POU6F2: variants seen among roughly 807,000 people sequenced by gnomAD.
POU6F2 encodes the protein POU domain, class 6, transcription factor 2.
A neutral mutation model predicts 71.3 loss-of-function variants in POU6F2; 31 were observed. The ratio of observed to expected loss-of-function variants is 0.43; its 90% CI spans 0.33 to 0.59. The LOEUF is 0.59. POU6F2 is among the 20% of genes least tolerant of loss of function. The pLI is 0.04. For synonymous variants in POU6F2, 347 were observed against 355.7 expected, an observed-to-expected ratio of 0.98 and a Z score of 0.27; for missense variants, 783 against 856.8, an observed-to-expected ratio of 0.91 and a Z score of 1.07.
intron 2 of POU6F2, among the ~76,000 whole-genome samples, chr7:39,161,114 G>C (rs1792986731): frequency 6.6e-6 from 1 of 151,990 alleles, no homozygotes; most frequent in South Asian, 2.1e-4. Context: ...GAGATTTCCT[G>C]TTTCTTAGTT....
chr7:39,279,300 AGG>A (rs373800191), intron 4 of POU6F2, among the ~76,000 whole-genome samples: 73,594 of 151,614 alleles, frequency 0.49, 19,189 homozygotes, highest in East Asian at 0.69. Context: ...CGACCTTCCC[AGG>A]TGTCCTAAGC....
At chr7:39,301,131 A>G (rs1412824621) in intron 4 of POU6F2, among the ~76,000 whole-genome samples, 1 of 152,156 alleles carries the variant, frequency 6.6e-6, no homozygotes, top group East Asian at 1.9e-4. Context: ...TTCAGTGGCT[A>G]TTTAATAGTT....
chr7:39,340,130 A>G lies in POU6F2; in HGVS notation c.972+115A>G, dbSNP rs1284913283. 10 of 1,354,170 alleles carry G rather than the reference A, an allele frequency of 7.4e-6. No homozygotes were observed. The East Asian group carries it at 1.7e-4, about 23-fold the overall frequency. 83.9% of individuals were successfully genotyped at this position (1,354,170 alleles called of 1,614,324 possible). Reference sequence around the variant, plus strand: ...AAAACTTAGCATCCAGTTCTGCAGCATCTAATTCAAATTGATCTCTTAGAC... The same window carrying G: ...AAAACTTAGCATCCAGTTCTGCAGCGTCTAATTCAAATTGATCTCTTAGAC... On this transcript the variant is annotated intron_variant, in intron 5 of 9. Transcript: ENST00000518318.
intron 5 of POU6F2, among the ~76,000 whole-genome samples, chr7:39,373,926 G>A (rs1385810778): frequency 6.6e-6 from 1 of 151,950 alleles, no homozygotes; most frequent in African/African-American, 2.4e-5. Context: ...AAAAAGATCT[G>A]GCCTTATTGC....
intron 4 of POU6F2, among the ~76,000 whole-genome samples, chr7:39,258,049 T>G (rs376456663): frequency 1.3e-5 from 2 of 152,188 alleles, no homozygotes; most frequent in East Asian, 1.9e-4. Flanking sequence ...GATGCAAGAT[T>G]ACCTGGGGAG....
At chr7:39,211,775 C>G (rs953146864) in intron 4 of POU6F2, among the ~76,000 whole-genome samples, 1 of 152,182 alleles carries the variant, frequency 6.6e-6, no homozygotes, top group African/African-American at 2.4e-5. Flanking sequence ...GTATCATCCT[C>G]TCCTCTGCAG....
intron 1 of POU6F2, among the ~76,000 whole-genome samples, chr7:39,065,714 A>G (rs972884900): frequency 6.6e-6 from 1 of 151,638 alleles, no homozygotes; most frequent in African/African-American, 2.4e-5. Context: ...ATGAATTTAT[A>G]AGAAAAGATG....
chr7:39,354,432 G>A (rs1314455170), intron 5 of POU6F2, among the ~76,000 whole-genome samples: 1 of 152,148 alleles, frequency 6.6e-6, no homozygotes, highest in Non-Finnish European at 1.5e-5. Context: ...ACTAGGACAT[G>A]GATTGAAATA....
intron 5 of POU6F2, among the ~76,000 whole-genome samples, chr7:39,382,782 T>C (rs964350197): frequency 6.6e-6 from 1 of 152,262 alleles, no homozygotes; most frequent in Non-Finnish European, 1.5e-5. Flanking sequence ...TTGAATGTAC[T>C]GTTTATCTGA....
At chr7:39,093,598 T>A (rs1203856101) in intron 2 of POU6F2, among the ~76,000 whole-genome samples, 2 of 152,144 alleles carry the variant, frequency 1.3e-5, no homozygotes, top group African/African-American at 4.8e-5. Flanking sequence ...TAGTGTTTCT[T>A]GGGATTGACT....
At chr7:39,412,282 C>T (rs1006021810) in intron 6 of POU6F2, among the ~76,000 whole-genome samples, 18 of 152,184 alleles carry the variant, frequency 1.2e-4, no homozygotes, top group Non-Finnish European at 2.5e-4. Flanking sequence ...GGATGAAAAA[C>T]CAGCAATTAA....
At chr7:39,352,816 T>G (rs1408241142) in intron 5 of POU6F2, among the ~76,000 whole-genome samples, 1 of 152,112 alleles carries the variant, frequency 6.6e-6, no homozygotes, top group Non-Finnish European at 1.5e-5. Flanking sequence ...CACAAGGTGC[T>G]GAGGTTTGGG....
At chr7:39,115,010 T>C (rs919476794) in intron 2 of POU6F2, among the ~76,000 whole-genome samples, 11 of 152,224 alleles carry the variant, frequency 7.2e-5, no homozygotes, top group African/African-American at 2.7e-4. Flanking sequence ...AGTTAAAATA[T>C]ATATAATTAG....
At chr7:39,249,671 C>T (rs909974107) in intron 4 of POU6F2, among the ~76,000 whole-genome samples, 2 of 152,114 alleles carry the variant, frequency 1.3e-5, no homozygotes, top group African/African-American at 2.4e-5. Flanking sequence ...GTGTAATTGC[C>T]TTAAACCCCA....
At chr7:39,063,913 G>A (rs1790706182) in intron 1 of POU6F2, among the ~76,000 whole-genome samples, 1 of 152,034 alleles carries the variant, frequency 6.6e-6, no homozygotes, top group Admixed American at 6.6e-5. Flanking sequence ...TTTAGTTAGT[G>A]AAGACGCCTT....
At chr7:39,135,000 G>C (rs907324663) in intron 2 of POU6F2, among the ~76,000 whole-genome samples, 2 of 148,312 alleles carry the variant, frequency 1.3e-5, no homozygotes, top group African/African-American at 5.0e-5. Context: ...AACAATAAAA[G>C]AAAATGTATA....
At chr7:39,315,700 G>C (rs1339241490) in intron 4 of POU6F2, among the ~76,000 whole-genome samples, 1 of 152,094 alleles carries the variant, frequency 6.6e-6, no homozygotes, top group Non-Finnish European at 1.5e-5. Context: ...TTAAGTCCTG[G>C]TTGGAGTCTC....
chr7:39,265,762 G>T (rs1562769509), intron 4 of POU6F2, among the ~76,000 whole-genome samples: 1 of 152,102 alleles, frequency 6.6e-6, no homozygotes, highest in Non-Finnish European at 1.5e-5. Flanking sequence ...AGTTTTAAGG[G>T]TTTTAAAATG....
chr7:39,068,448 A>G (rs911882539), intron 1 of POU6F2, among the ~76,000 whole-genome samples: 1 of 151,566 alleles, frequency 6.6e-6, no homozygotes, highest in African/African-American at 2.4e-5. Context: ...TTCTAAAAAC[A>G]CCAAGAAAGA....
Sources: gnomAD v4.1 joint callset for allele counts (sites outside exome capture counted in the v4.1 genomes callset) on GRCh38, gnomAD v4.1.1 for gene constraint, MANE v1.5 for transcripts, NCBI Gene and HGNC (gene_info 2026-07-23, HGNC 2026-07-21) for gene names.